The following SPTBN1 variants were observed in gnomAD, a reference collection of about 807,000 sequenced individuals.
The protein encoded by SPTBN1 is spectrin beta chain, non-erythrocytic 1.
SPTBN1 carries 32 observed loss-of-function variants against 266.4 expected under a neutral mutation model. The observed-to-expected ratio is 0.12, with a 90% CI of 0.09 to 0.16. The LOEUF (loss-of-function observed/expected upper bound fraction) is 0.16. SPTBN1 is among the 10% of genes least tolerant of loss of function. The pLI, the probability that SPTBN1 is intolerant of heterozygous loss-of-function variation, is 1.00. For synonymous variants in SPTBN1, 1,336 were observed against 1,162.2 expected, an observed-to-expected ratio of 1.15 and a Z score of -3.04; for missense variants, 2,296 against 3,067.1, an observed-to-expected ratio of 0.75 and a Z score of 5.94.
At chr2:54,658,110 CT>C in intron 30 of SPTBN1, 64 bp downstream of exon 30, 1 of 1,587,340 alleles carries the variant, frequency 6.3e-7, no homozygotes, top group Non-Finnish European at 8.6e-7. Flanking sequence ...CTGCTTGCCT[CT>C]TAGACCAGGG....
At chr2:54,539,945 G>C (rs1671837311) in intron 2 of SPTBN1, among the ~76,000 whole-genome samples, 1 of 152,152 alleles carries the variant, frequency 6.6e-6, no homozygotes, top group Admixed American at 6.5e-5. Context: ...TAGGAGGTGA[G>C]GTCTTTGGCG....
At chr2:54,524,339 C>T (rs1670669330) in intron 1 of SPTBN1, among the ~76,000 whole-genome samples, 1 of 152,138 alleles carries the variant, frequency 6.6e-6, no homozygotes, top group South Asian at 2.1e-4. Flanking sequence ...CCTGACTGAG[C>T]CTGTTTCCCC....
At position 54,649,321 on chromosome 2, in the gene SPTBN1, G is replaced by A; in HGVS notation, c.5202+131G>A. On this transcript the variant is annotated intron_variant, in intron 25 of 35. Transcript: ENST00000356805. This position sits in a 1 kb window ranked among gnomAD's most constrained non-coding sequence, Gnocchi z 6.7. ...CAGAGGTCTTGGGGTTTAGTTTTAA[G>A]GTGGTGTTTCTTTTATAAGCTGGTG... 1 of 1,118,210 alleles carries A rather than the reference G, an allele frequency of 8.9e-7. No homozygotes were observed. The highest frequency in any genetic ancestry group is 1.7e-5 in the South Asian group (1 of 58,082). 69.3% of individuals were successfully genotyped at this position (1,118,210 alleles called of 1,614,324 possible). A position where few individuals can be genotyped will look rare whatever the true frequency, so the allele number is the denominator to read the frequency against.
intron 2 of SPTBN1, among the ~76,000 whole-genome samples, chr2:54,579,570 C>G (rs1437290129): frequency 6.6e-6 from 1 of 152,222 alleles, no homozygotes; most frequent in African/African-American, 2.4e-5. Context: ...CCTCACTGAG[C>G]TGAAGCACAT....
intron 32 of SPTBN1, chr2:54,660,453 G>A (rs563519956): frequency 3.0e-6 from 3 of 1,003,558 alleles, no homozygotes; most frequent in Non-Finnish European, 3.6e-6. Flanking sequence ...TGTGCTATAT[G>A]TAGCCGCCTT....
At chr2:54,506,943 G>A (rs1226947487) in intron 1 of SPTBN1, among the ~76,000 whole-genome samples, 1 of 144,588 alleles carries the variant, frequency 6.9e-6, no homozygotes, top group African/African-American at 2.6e-5. Flanking sequence ...CTGGGTGCAG[G>A]CAGGCTGAGT....
chr2:54,556,552 C>T (rs1413690024), intron 2 of SPTBN1, among the ~76,000 whole-genome samples: 2 of 152,116 alleles, frequency 1.3e-5, no homozygotes, highest in African/African-American at 4.8e-5. Flanking sequence ...ATTTTCAGTG[C>T]CATAGCTGGA....
rs764302186 is a variant in SPTBN1 at position 54,628,280 on chromosome 2, C to T, written c.1798+30C>T. 5.0e-6 allele frequency: 8 copies of T among 1,587,790 alleles called. No homozygotes were observed. Among genetic ancestry groups the T allele is most frequent in the South Asian group, 1.1e-5 (1 of 87,370 alleles). On this transcript the variant is annotated intron_variant, in intron 13 of 35. Transcript: ENST00000356805. This position sits in a 1 kb window ranked among gnomAD's most constrained non-coding sequence, Gnocchi z 4.3. ...GGATGGCCCATTCCAAGCATTACCT[C>T]CGGGTCACCAGAGATTCATATTTAT...
chr2:54,654,380 C>G (rs1307008537), intron 27 of SPTBN1, among the ~76,000 whole-genome samples: 2 of 152,090 alleles, frequency 1.3e-5, no homozygotes, highest in Non-Finnish European at 2.9e-5. Context: ...TTGTTTCATG[C>G]AAATTAGTGA....
chr2:54,582,469 C>A, intron 2 of SPTBN1, among the ~76,000 whole-genome samples: 1 of 149,708 alleles, frequency 6.7e-6, no homozygotes, highest in Non-Finnish European at 1.5e-5. Flanking sequence ...GAGGCTGAGG[C>A]AGGAGAATGG....
At chr2:54,500,636 C>T (rs1387328453) in intron 1 of SPTBN1, among the ~76,000 whole-genome samples, 1 of 152,146 alleles carries the variant, frequency 6.6e-6, no homozygotes, top group African/African-American at 2.4e-5. Context: ...ACCTCTGCCT[C>T]CCAGGCTCAA....
rs1362708085 is a variant in SPTBN1 at position 54,558,481 on chromosome 2, C to T, written c.148+31915C>T. ...ATATTTAAAAGTTCTGAAGTAGAAC[C>T]TGCGCCTCCTCTCTGCTTCTCCCTC... is the stretch of plus-strand genomic sequence containing the variant. On this transcript the variant is annotated intron_variant, in intron 2 of 35. Transcript: ENST00000356805. The surrounding 1 kb of genome is among the most constrained non-coding windows in gnomAD (Gnocchi z 4.6). The T allele has an allele frequency of 2.7e-6, 3 of 1,127,622 alleles. No individual in the cohort carries two copies. Among genetic ancestry groups the T allele is most frequent in the South Asian group, 3.5e-5 (1 of 28,830 alleles). 69.9% of individuals were successfully genotyped at this position (1,127,622 alleles called of 1,614,324 possible).
intron 2 of SPTBN1, among the ~76,000 whole-genome samples, chr2:54,575,258 C>T (rs961338038): frequency 1.3e-5 from 2 of 152,222 alleles, no homozygotes; most frequent in Admixed American, 6.5e-5. Context: ...CCTAGCAATA[C>T]AATACACAGC....
At position 54,645,054 on chromosome 2, in the gene SPTBN1, T is replaced by G; in HGVS notation, c.4270-175T>G. On this transcript the variant is annotated intron_variant, in intron 20 of 35. Transcript: ENST00000356805. This position sits in a 1 kb window ranked among gnomAD's most constrained non-coding sequence, Gnocchi z 4.3. ...AAGGGCAAATGAATTTACCTCAGAT[T>G]TACTTGAAAACAGTTCCATTGATGT... is the stretch of plus-strand genomic sequence containing the variant. 1.6e-6 allele frequency: 1 copy of G among 627,458 alleles called. No individual in the cohort carries two copies. Among genetic ancestry groups the G allele is most frequent in the Non-Finnish European group, 2.8e-6 (1 of 361,086 alleles). 38.9% of individuals were successfully genotyped at this position (627,458 alleles called of 1,614,324 possible).
At chr2:54,482,953 C>G (rs1188632100) in intron 1 of SPTBN1, among the ~76,000 whole-genome samples, 1 of 152,202 alleles carries the variant, frequency 6.6e-6, no homozygotes, top group Non-Finnish European at 1.5e-5. Context: ...GATTATGTGT[C>G]ACATCTTACA....
At chr2:54,551,734 G>A (rs565790306) in intron 2 of SPTBN1, among the ~76,000 whole-genome samples, 29 of 152,284 alleles carry the variant, frequency 1.9e-4, no homozygotes, top group South Asian at 2.1e-4. Context: ...GGGGAATGGG[G>A]GGAAGGTGTA....
intron 2 of SPTBN1, among the ~76,000 whole-genome samples, chr2:54,530,515 C>A (rs1285858808): frequency 6.6e-6 from 1 of 151,632 alleles, no homozygotes. Context: ...CCCGCCACCA[C>A]CCCAGCTAAT....
Position 54,631,446 on chromosome 2 carries a change from C to A in SPTBN1, c.3399C>A (p.Thr1133=). The A allele has an allele frequency of 6.2e-7, 1 of 1,614,236 alleles. No individual in the cohort carries two copies. The highest frequency in any genetic ancestry group is 2.2e-5 in the East Asian group (1 of 44,884). The change falls in exon 16 of 36, where the codon ACC becomes ACA. Residue 1133 remains threonine, a synonymous_variant. Transcript: ENST00000356805. ...DMGEMVTQGQ[T]DAQYMFLRQR... is the part of the protein sequence containing the mutation. ...GCGAGATGGTCACCCAGGGGCAGAC[C>A]GATGCCCAGTACATGTTTCTGCGGC... is the stretch of plus-strand genomic sequence containing the variant.
intron 1 of SPTBN1, among the ~76,000 whole-genome samples, chr2:54,486,756 C>CT (rs1335817679): frequency 2.7e-5 from 4 of 150,616 alleles, no homozygotes; most frequent in African/African-American, 9.8e-5. Context: ...AAAAGAAAAT[C>CT]TAAGTTCTAA....
Sources: allele counts gnomAD v4.1 joint callset (sites outside exome capture counted in the v4.1 genomes callset), GRCh38; gene constraint gnomAD v4.1.1; non-coding constraint Gnocchi (gnomAD v3.1); transcripts MANE v1.5; gene names NCBI Gene and HGNC (gene_info 2026-07-23, HGNC 2026-07-21).